The following TENM3 variants were observed in gnomAD, a reference collection of about 807,000 sequenced individuals.
TENM3 encodes teneurin transmembrane protein 3, also known as teneurin-3.
In TENM3, 63 loss-of-function variants were observed where a neutral mutation model predicts 255.1. The observed-to-expected ratio is 0.25, with a 90% CI of 0.20 to 0.30. The LOEUF (loss-of-function observed/expected upper bound fraction) is 0.30, where lower values mean the gene tolerates loss of function less well. Ranked by LOEUF, TENM3 falls within the 10% of genes least tolerant of loss-of-function variation. The pLI is 1.00. For synonymous variants in TENM3, 1,306 were observed against 1,322.3 expected, an observed-to-expected ratio of 0.99 and a Z score of 0.27; for missense variants, 2,929 against 3,461.1, an observed-to-expected ratio of 0.85 and a Z score of 3.86.
chr4:181,949,417 A>C, the TENM3 span, among the ~76,000 whole-genome samples: 1 of 152,208 alleles, frequency 6.6e-6, no homozygotes, highest in East Asian at 1.9e-4. Context: ...ATGAAACCAA[A>C]AACCTAGGGT....
intron 3 of TENM3, among the ~76,000 whole-genome samples, chr4:182,549,966 T>C (rs1413339014): frequency 3.9e-5 from 6 of 152,218 alleles, no homozygotes. Flanking sequence ...TCATACGTAA[T>C]GGGAAATCAA....
chr4:181,709,131 T>C, the TENM3 span, among the ~76,000 whole-genome samples: 4 of 152,188 alleles, frequency 2.6e-5, no homozygotes, highest in African/African-American at 4.8e-5. Context: ...TCCAGTAATA[T>C]TTATAGAAGA....
At chr4:182,049,654 C>G in the TENM3 span, among the ~76,000 whole-genome samples, 1 of 152,170 alleles carries the variant, frequency 6.6e-6, no homozygotes, top group Non-Finnish European at 1.5e-5. Context: ...ATTTCAAAAT[C>G]AAGGGAAAGT....
intron 3 of TENM3, among the ~76,000 whole-genome samples, chr4:182,351,196 G>T (rs1222393448): frequency 2.0e-5 from 3 of 152,200 alleles, no homozygotes; most frequent in East Asian, 1.9e-4. Flanking sequence ...GAAGGGTAAG[G>T]TTGCCCCTGG....
chr4:182,615,446 C>T (rs550436336), intron 4 of TENM3, among the ~76,000 whole-genome samples: 1 of 151,992 alleles, frequency 6.6e-6, no homozygotes, highest in East Asian at 1.9e-4. Context: ...TATAGAGTCC[C>T]AAGAGAAAAG....
intron 3 of TENM3, among the ~76,000 whole-genome samples, chr4:182,418,948 G>T (rs1303833262): frequency 2.6e-5 from 4 of 152,258 alleles, no homozygotes; most frequent in African/African-American, 7.2e-5. Context: ...TCTGCGGCAC[G>T]TTCCGTCCTT....
chr4:182,186,768 T>C (rs1430999323), intron 1 of TENM3, among the ~76,000 whole-genome samples: 1 of 12,580 alleles, frequency 7.9e-5, no homozygotes, highest in African/African-American at 3.9e-4. Context: ...GCATCATATA[T>C]ATATATATAT....
chr4:182,520,677 T>C (rs1218769652), intron 3 of TENM3, among the ~76,000 whole-genome samples: 1 of 152,198 alleles, frequency 6.6e-6, no homozygotes, highest in Non-Finnish European at 1.5e-5. Flanking sequence ...ATAAACTTTT[T>C]TCCCTAGAAG....
the TENM3 span, among the ~76,000 whole-genome samples, chr4:181,827,935 T>C: frequency 3.3e-5 from 5 of 152,086 alleles, no homozygotes; most frequent in African/African-American, 1.2e-4. Context: ...AACCAATTCA[T>C]TAAAAAAAAT....
chr4:182,174,321 G>A (rs62352051), intron 1 of TENM3, among the ~76,000 whole-genome samples: 19,128 of 149,716 alleles, frequency 0.13, 1,436 homozygotes, highest in South Asian at 0.21. Flanking sequence ...CATTAACTCG[G>A]AACTGATTCT....
intron 1 of TENM3, among the ~76,000 whole-genome samples, chr4:182,164,879 A>G (rs1264755772): frequency 1.3e-5 from 2 of 152,144 alleles, no homozygotes; most frequent in Non-Finnish European, 1.5e-5. Flanking sequence ...TGAAGGTAGA[A>G]GTTCTGCTGT....
the TENM3 span, among the ~76,000 whole-genome samples, chr4:182,112,018 G>C: frequency 6.6e-6 from 1 of 152,038 alleles, no homozygotes; most frequent in African/African-American, 2.4e-5. Context: ...GGCTGGAAAG[G>C]GTGGCTCACA....
At chr4:181,880,901 T>C in the TENM3 span, among the ~76,000 whole-genome samples, 1 of 152,166 alleles carries the variant, frequency 6.6e-6, no homozygotes, top group African/African-American at 2.4e-5. Flanking sequence ...CCCGGGGCTC[T>C]AATAGAGGTC....
At chr4:182,104,446 G>A in the TENM3 span, among the ~76,000 whole-genome samples, 1 of 150,346 alleles carries the variant, frequency 6.7e-6, no homozygotes, top group Non-Finnish European at 1.5e-5. Context: ...ACTGAGAAAG[G>A]AATAGCTGTT....
chr4:181,534,753 C>T, the TENM3 span, among the ~76,000 whole-genome samples: 3 of 152,180 alleles, frequency 2.0e-5, no homozygotes, highest in South Asian at 2.1e-4. Flanking sequence ...CTCCACCCGC[C>T]GTTCACTGTT....
chr4:182,232,895 G>A (rs1159004979), intron 1 of TENM3, among the ~76,000 whole-genome samples: 2 of 152,114 alleles, frequency 1.3e-5, no homozygotes, highest in African/African-American at 4.8e-5. Flanking sequence ...CGATGGAGCA[G>A]GATAGCATGA....
chr4:182,743,317 T>C lies in TENM3; in HGVS notation c.3527T>C (p.Val1176Ala). 6.2e-7 allele frequency: 1 copy of C among 1,614,020 alleles called. No homozygotes were observed. The highest frequency in any genetic ancestry group is 8.5e-7 in the Non-Finnish European group (1 of 1,179,884). ...QADGNKLLAP[V>A]ALACGIDGSL... ...GATGGTAACAAGTTACTGGCCCCAG[T>C]GGCGCTAGCTTGTGGGATCGATGGC... is the stretch of plus-strand genomic sequence containing the variant. The change falls in exon 19 of 28, where the codon GTG (valine) becomes GCG (alanine). Residue 1176 changes from valine (V) to alanine (A), a missense_variant. Transcript: ENST00000511685.
At chr4:181,816,802 G>A in the TENM3 span, among the ~76,000 whole-genome samples, 4 of 152,090 alleles carry the variant, frequency 2.6e-5, no homozygotes, top group Non-Finnish European at 4.4e-5. Flanking sequence ...TTTATGCATC[G>A]ATAATGTCAT....
At chr4:182,535,676 G>C (rs942437241) in intron 3 of TENM3, among the ~76,000 whole-genome samples, 1 of 151,810 alleles carries the variant, frequency 6.6e-6, no homozygotes. Flanking sequence ...GGAGTTCGAG[G>C]CTGAAGTGAG....
Sources: allele counts gnomAD v4.1 joint callset (sites outside exome capture counted in the v4.1 genomes callset), GRCh38; gene constraint gnomAD v4.1.1; transcripts MANE v1.5; gene names NCBI Gene and HGNC (gene_info 2026-07-23, HGNC 2026-07-21).